Variants in ESCO2 observed in about 807,000 individuals in gnomAD.
ESCO2 encodes establishment of sister chromatid cohesion N-acetyltransferase 2.
In ESCO2, 51 loss-of-function variants were observed where a neutral mutation model predicts 61.7. That is an observed-to-expected ratio of 0.83 (90% CI 0.66 to 1.04). The LOEUF is 1.04. Among genes scored for constraint, ESCO2 ranks in the 50% least tolerant of loss-of-function variants. The pLI is 0.00. For synonymous variants in ESCO2, 230 were observed against 238.2 expected (o/e 0.97, Z 0.32); for missense variants, 692 against 686.2 (o/e 1.01, Z -0.09).
intron 4 of ESCO2, among the ~76,000 whole-genome samples, chr8:27,782,370 T>C (rs1327280988): frequency 6.6e-6 from 1 of 152,146 alleles, no homozygotes; most frequent in African/African-American, 2.4e-5. Context: ...CTAGCGATTC[T>C]CTTACCTCAG....
At chr8:27,800,864 A>G (rs1224514570) in intron 10 of ESCO2, among the ~76,000 whole-genome samples, 2 of 152,214 alleles carry the variant, frequency 1.3e-5, no homozygotes, top group African/African-American at 4.8e-5. Flanking sequence ...TTGTATGATT[A>G]TATTTACATA....
chr8:27,784,997 CTG>C (rs1193945785), intron 5 of ESCO2, among the ~76,000 whole-genome samples: 1 of 152,198 alleles, frequency 6.6e-6, no homozygotes, highest in Admixed American at 6.5e-5. Flanking sequence ...AAGATGGGAG[CTG>C]TCTTAGTTCA....
rs894497980 is a variant in ESCO2, at chr8:27,804,354, G to C, written c.*916G>C. 2.0e-6 allele frequency: 2 copies of C among 985,240 alleles called. No individual in the cohort carries two copies. Among genetic ancestry groups the C allele is most frequent in the African/African-American group, 3.5e-5 (2 of 57,216 alleles). The allele number at this position is 985,240 out of a possible 1,614,324, so 61.0% of individuals were successfully genotyped here. On this transcript the variant is annotated 3_prime_UTR_variant, in exon 11 of 11. Coordinates refer to ENST00000305188, the MANE Select transcript of ESCO2 (RefSeq NM_001017420.3). Reference sequence around the variant, plus strand: ...ATTGATGTCATTAACAAAATGCCTAGTTGGATTAGATGTTTTCATTTTCTA... The same window carrying C: ...ATTGATGTCATTAACAAAATGCCTACTTGGATTAGATGTTTTCATTTTCTA...
chr8:27,788,842 T>G lies in ESCO2; in HGVS notation c.1132-5T>G, dbSNP rs886134261. On this transcript the variant is annotated splice_region_variant and splice_polypyrimidine_tract_variant and intron_variant, in intron 6 of 10. Coordinates refer to ENST00000305188, the MANE Select transcript of ESCO2 (RefSeq NM_001017420.3). ...TGGGTTTCTTTTTTTACCCCCCAAT[T>G]ATAGGACGCTGGTCAGAAACATTTT... 2 of 1,613,914 alleles carry G rather than the reference T, an allele frequency of 1.2e-6. No individual in the cohort carries two copies. Among genetic ancestry groups the G allele is most frequent in the African/African-American group, 2.7e-5 (2 of 74,910 alleles).
At chr8:27,779,795 C>T (rs542126029) in intron 3 of ESCO2, 3 of 208,754 alleles carry the variant, frequency 1.4e-5, no homozygotes, top group East Asian at 1.2e-4. Context: ...CTCAGCCTCC[C>T]GAGTAGCTGG....
intron 8 of ESCO2, among the ~76,000 whole-genome samples, chr8:27,792,466 T>C (rs1382248910): frequency 6.6e-6 from 1 of 152,210 alleles, no homozygotes; most frequent in African/African-American, 2.4e-5. Context: ...AAGTGATCTT[T>C]AAAATAGGTT....
At position 27,776,649 on chromosome 8, in the gene ESCO2, A is replaced by G. The variant is rs930845981; in HGVS notation, c.341A>G (p.Asp114Gly). ...AGATCTACTTGTCTAAAAACTAATG[A>G]TGAAGATAAATCTTTTCCCATTGTG... ...ESRSTCLKTN[D>G]EDKSFPIVTE... is the part of the protein sequence containing the mutation. Residue 114 changes from aspartate (D) to glycine (G), a missense_variant, in exon 3 of 11, where the codon GAT becomes GGT. Transcript: ENST00000305188. 2.5e-6 allele frequency: 4 copies of G among 1,613,978 alleles called. No homozygotes were observed. The highest frequency in any genetic ancestry group is 3.4e-6 in the Non-Finnish European group (4 of 1,180,028).
At chr8:27,808,607 C>G (rs1216850829), downstream of ESCO2, among the ~76,000 whole-genome samples, 1 of 148,300 alleles carries the variant, frequency 6.7e-6, no homozygotes, top group Non-Finnish European at 1.5e-5. Context: ...ATCACTTGTG[C>G]CTGGGAGGTT....
At chr8:27,816,343 C>CT (rs1554559818), downstream of ESCO2, among the ~76,000 whole-genome samples, 4 of 136,370 alleles carry the variant, frequency 2.9e-5, no homozygotes, top group African/African-American at 8.8e-5. Flanking sequence ...TCATCGAATA[C>CT]TATATATATA....
intron 9 of ESCO2, among the ~76,000 whole-genome samples, chr8:27,796,098 T>C (rs202080175): frequency 1.3e-5 from 2 of 151,942 alleles, no homozygotes; most frequent in African/African-American, 4.8e-5. Flanking sequence ...TTTTTTTTTT[T>C]CTTAAACTGA....
At chr8:27,815,673 A>G (rs1036295078), downstream of ESCO2, among the ~76,000 whole-genome samples, 5 of 152,214 alleles carry the variant, frequency 3.3e-5, no homozygotes, top group Non-Finnish European at 7.3e-5. Context: ...CATCAGGCTA[A>G]AAAGTAGTTT....
At chr8:27,788,555 C>CA (rs1245296228) in intron 6 of ESCO2, among the ~76,000 whole-genome samples, 2 of 151,784 alleles carry the variant, frequency 1.3e-5, no homozygotes, top group Admixed American at 6.6e-5. Context: ...GATGGAGTCT[C>CA]ACCATGTCGC....
intron 2 of ESCO2, among the ~76,000 whole-genome samples, chr8:27,776,078 C>T (rs769444264): frequency 6.6e-6 from 1 of 152,154 alleles, no homozygotes; most frequent in Non-Finnish European, 1.5e-5. Flanking sequence ...TTATATATGG[C>T]CAACACATAG....
upstream of ESCO2, among the ~76,000 whole-genome samples, chr8:27,773,966 T>C: frequency 6.6e-6 from 1 of 152,198 alleles, no homozygotes; most frequent in Admixed American, 6.5e-5. Context: ...CAATAGATAT[T>C]AATGCCTTAC....
upstream of ESCO2, chr8:27,772,363 G>A (rs980305500): frequency 2.2e-5 from 16 of 724,404 alleles, no homozygotes; most frequent in Non-Finnish European, 3.8e-5. Context: ...TGGGAGGGAC[G>A]GATGTGCTGG....
At chr8:27,794,442 T>C (rs1312159235) in intron 9 of ESCO2, among the ~76,000 whole-genome samples, 1 of 152,242 alleles carries the variant, frequency 6.6e-6, no homozygotes, top group Non-Finnish European at 1.5e-5. Context: ...TGCCCATTTT[T>C]TAATCAGAGT....
At position 27,799,555 on chromosome 8, in the gene ESCO2, G is replaced by A. The variant is rs755764215; in HGVS notation, c.1512G>A (p.Leu504=). The change falls in exon 10 of 11, where the codon CTG becomes CTA. Residue 504 remains leucine (L), a synonymous_variant. Transcript: ENST00000305188. The stretch of plus-strand genomic sequence containing the variant: ...TATCATTGCAGGCATTTCGTGTCCT[G>A]TCTGAACCAATTGGTCCAGAATCCC... ...AEPIKQAFRV[L]SEPIGPESPS... 2.5e-6 allele frequency: 4 copies of A among 1,613,786 alleles called. No homozygotes were observed. The highest frequency in any genetic ancestry group is 3.4e-6 in the Non-Finnish European group (4 of 1,179,978).
At chr8:27,779,001 C>T (rs34929165) in intron 3 of ESCO2, 2,488 of 152,344 alleles carry the variant, frequency 0.016, 26 homozygotes, top group Middle Eastern at 0.027. Context: ...CTGCAACCTC[C>T]GCCTCCCAGG....
chr8:27,810,275 A>C, downstream of ESCO2: 1 of 1,468,646 alleles, frequency 6.8e-7, no homozygotes, highest in Non-Finnish European at 9.5e-7. Flanking sequence ...ACAGTTATTT[A>C]CGCAAGCCAC....
Sources: gnomAD v4.1 joint callset for allele counts (sites outside exome capture counted in the v4.1 genomes callset) on GRCh38, gnomAD v4.1.1 for gene constraint, MANE v1.5 for transcripts, NCBI Gene and HGNC (gene_info 2026-07-23, HGNC 2026-07-21) for gene names.